The following PAM variants were observed in gnomAD, a reference collection of about 807,000 sequenced individuals.
PAM encodes the protein peptidyl-glycine alpha-amidating monooxygenase.
Under a neutral mutation model 122.1 loss-of-function variants are expected in PAM, and 72 were observed. The ratio of observed to expected loss-of-function variants is 0.59; its 90% confidence interval spans 0.49 to 0.72. The LOEUF is 0.72. Ranked by LOEUF, PAM falls within the 30% of genes least tolerant of loss-of-function variation. The probability of loss-of-function intolerance (pLI) is 0.00; values close to 1 mark genes in which losing one functional copy is unlikely to be tolerated. For missense variants in PAM, 1,106 were observed against 1,183.7 expected (o/e 0.93, Z 0.96); for synonymous variants, 389 against 404.4 (o/e 0.96, Z 0.46).
chr5:102,935,131 ATCATACCTCCC>A (rs1752841009), intron 7 of PAM, among the ~76,000 whole-genome samples: 2 of 152,102 alleles, frequency 1.3e-5, no homozygotes, highest in South Asian at 4.1e-4. Context: ...ACCCTCTTCA[ATCATACCTCCC>A]TTTCTCACCT....
chr5:102,967,317 C>A (rs1463874053), intron 14 of PAM, among the ~76,000 whole-genome samples: 1 of 152,114 alleles, frequency 6.6e-6, no homozygotes, highest in Non-Finnish European at 1.5e-5. Flanking sequence ...CAAACTCACA[C>A]AATTGAATTC....
At chr5:102,926,746 C>G (rs1021044225) in intron 7 of PAM, 78 bp downstream of exon 7, 1 of 756,078 alleles carries the variant, frequency 1.3e-6, no homozygotes, top group African/African-American at 1.8e-5. Flanking sequence ...CTATTATCTA[C>G]ATCTTAAAAA....
intron 1 of PAM, among the ~76,000 whole-genome samples, chr5:102,773,246 A>G (rs1169378787): frequency 2.0e-5 from 3 of 152,116 alleles, no homozygotes; most frequent in Non-Finnish European, 4.4e-5. Context: ...AAGTATGAAG[A>G]TATATAGTTG....
At position 102,809,352 on chromosome 5, in the gene PAM, CAAAAAA is replaced by C. The variant is rs11302898; in HGVS notation, c.-374+54018_-374+54023del. On this transcript the variant is annotated intron_variant, in intron 1 of 25. Coordinates refer to ENST00000438793, the MANE Select transcript of PAM (RefSeq NM_001177306.2). Reference sequence around the variant, plus strand: ...TAAAGCAAGCAAGACCTGTCTCTACCAAAAAAAAAAAAAAAAAAAGAAAACAAAAAA... The same window carrying C: ...TAAAGCAAGCAAGACCTGTCTCTACCAAAAAAAAAAAAAGAAAACAAAAAA... Among the ~76,000 whole-genome samples the C allele has an allele frequency of 6.9e-3, 876 of 126,230 alleles. 11 individuals carry two copies. Among genetic ancestry groups the C allele is most frequent in the African/African-American group, 0.025 (821 of 33,362 alleles). The allele number at this position is 126,230 out of a possible 152,430, so 82.8% of individuals were successfully genotyped here. A position where few individuals can be genotyped will look rare whatever the true frequency, so the allele number is the denominator to read the frequency against.
In PAM at chr5:102,949,579, T is replaced by A; in HGVS notation, c.686T>A (p.Met229Lys). The A allele has an allele frequency of 6.5e-7, 1 of 1,548,476 alleles. No individual in the cohort carries two copies. Among genetic ancestry groups the A allele is most frequent in the Non-Finnish European group, 8.9e-7 (1 of 1,120,386 alleles). ...TCATGCCATTATAAAAATTATCCAATGCATGTCTTTGCCTATAGAGTTCAC... is the reference window on the plus strand; with the variant it reads ...TCATGCCATTATAAAAATTATCCAAAGCATGTCTTTGCCTATAGAGTTCAC... ...DISCHYKNYP[M>K]HVFAYRVHTH... The change falls in exon 10 of 26, where the codon ATG becomes AAG. Residue 229 changes from methionine to lysine, a missense_variant. This residue lies in a region of PAM where 670 missense variants were observed against 690.3 expected (regional missense o/e 0.97). Transcript: ENST00000438793.
At chr5:102,983,604 C>T (rs1770700767) in intron 15 of PAM, among the ~76,000 whole-genome samples, 1 of 151,942 alleles carries the variant, frequency 6.6e-6, no homozygotes, top group South Asian at 2.1e-4. Flanking sequence ...TGGGCAAAGG[C>T]ATAGAAAACC....
chr5:103,025,797 G>A (rs181217110), intron 24 of PAM, among the ~76,000 whole-genome samples: 12 of 152,174 alleles, frequency 7.9e-5, no homozygotes, highest in Non-Finnish European at 1.3e-4. Flanking sequence ...CTCCAGACCA[G>A]TTTTCTCATA....
intron 1 of PAM, among the ~76,000 whole-genome samples, chr5:102,826,324 A>G (rs1439307576): frequency 6.6e-6 from 1 of 152,200 alleles, no homozygotes. Context: ...TCTGCTCTGT[A>G]TGTAATTTTT....
intron 1 of PAM, among the ~76,000 whole-genome samples, chr5:102,806,024 G>C (rs1230351575): frequency 6.6e-6 from 1 of 152,024 alleles, no homozygotes; most frequent in Non-Finnish European, 1.5e-5. Flanking sequence ...CTTATTTTCG[G>C]ATGTGCTCTT....
intron 14 of PAM, among the ~76,000 whole-genome samples, chr5:102,965,337 T>C (rs2150313496): frequency 6.6e-6 from 1 of 151,860 alleles, no homozygotes; most frequent in South Asian, 2.1e-4. Context: ...AACCATTGTT[T>C]AAGCAAAGAA....
chr5:102,800,226 A>G lies in PAM; in HGVS notation c.-374+44878A>G, dbSNP rs201990090. Among the ~76,000 whole-genome samples, 3 of 152,162 alleles carry G rather than the reference A, an allele frequency of 2.0e-5. No individual in the cohort carries two copies. In the East Asian group the frequency reaches 5.8e-4, roughly 29 times the overall value. On this transcript the variant is annotated intron_variant, in intron 1 of 25. Coordinates refer to ENST00000438793, the MANE Select transcript of PAM (RefSeq NM_001177306.2). The stretch of plus-strand genomic sequence containing the variant: ...TTCTATTCTTCGATTTTTATGCATC[A>G]TGTTCCTTCCCCTTATTCAAATGTC...
chr5:102,913,193 C>T (rs1425054454), intron 4 of PAM, among the ~76,000 whole-genome samples: 3 of 151,872 alleles, frequency 2.0e-5, no homozygotes, highest in Admixed American at 1.3e-4. Flanking sequence ...ATGAGCCAAA[C>T]CCACACTAGG....
chr5:102,953,409 C>T (rs539862318), intron 12 of PAM, among the ~76,000 whole-genome samples: 1 of 152,158 alleles, frequency 6.6e-6, no homozygotes, highest in East Asian at 1.9e-4. Flanking sequence ...TCATTTGTGA[C>T]AAGGTGGATG....
Position 102,959,934 on chromosome 5 carries a change from A to G in PAM, c.965A>G (p.His322Arg). The G allele has an allele frequency of 6.2e-7, 1 of 1,612,498 alleles. No homozygotes were observed. The highest frequency in any genetic ancestry group is 1.1e-5 in the South Asian group (1 of 91,038). Residue 322 changes from histidine (H) to arginine (R), a missense_variant, in exon 13 of 26, where the codon CAT (histidine) becomes CGT (arginine). His to Arg is a conservative substitution (Grantham distance 29). Transcript: ENST00000438793. ...LYIMYYMEAK[H>R]AVSFMTCTQN... ...ATTATGTATTACATGGAAGCCAAGC[A>G]TGCAGTTTCTTTCATGACCTGTACC...
intron 14 of PAM, among the ~76,000 whole-genome samples, chr5:102,966,634 G>C (rs1369161767): frequency 1.3e-5 from 2 of 152,108 alleles, no homozygotes; most frequent in African/African-American, 4.8e-5. Context: ...AATCAGTTAA[G>C]ACTAAGTCAT....
intron 3 of PAM, among the ~76,000 whole-genome samples, chr5:102,884,754 T>C (rs777224893): frequency 6.6e-6 from 1 of 152,044 alleles, no homozygotes. Context: ...TTGCTTTTCA[T>C]AGATAATGTC....
chr5:102,913,419 T>A (rs1026019496), intron 4 of PAM, among the ~76,000 whole-genome samples: 28 of 152,132 alleles, frequency 1.8e-4, no homozygotes, highest in African/African-American at 6.3e-4. Context: ...CTTTTATTTT[T>A]CTTTCCTGGT....
chr5:102,770,274 TTTAGG>T (rs1181807953), intron 1 of PAM, among the ~76,000 whole-genome samples: 1 of 152,128 alleles, frequency 6.6e-6, no homozygotes, highest in African/African-American at 2.4e-5. Context: ...TGGTGGAGTC[TTTAGG>T]TTTTTCCAAG....
At chr5:103,021,424 G>A (rs142616449) in intron 23 of PAM, among the ~76,000 whole-genome samples, 112 of 152,248 alleles carry the variant, frequency 7.4e-4, no homozygotes, top group African/African-American at 2.6e-3. Flanking sequence ...GGTGGTACTG[G>A]TTGGCCTGGT....
Sources: allele counts gnomAD v4.1 joint callset (sites outside exome capture counted in the v4.1 genomes callset), GRCh38; gene constraint gnomAD v4.1.1; regional missense constraint gnomAD v4.1.1; transcripts MANE v1.5; gene names NCBI Gene and HGNC (gene_info 2026-07-23, HGNC 2026-07-21).